ZBTB16: variants seen among roughly 807,000 people sequenced by gnomAD.
The protein encoded by ZBTB16 is zinc finger and BTB domain-containing protein 16.
A neutral mutation model predicts 56.8 loss-of-function variants in ZBTB16; 8 were observed. The ratio of observed to expected loss-of-function variants is 0.14; its 90% CI spans 0.08 to 0.25. The LOEUF (loss-of-function observed/expected upper bound fraction) is 0.25, where lower values mean the gene tolerates loss of function less well. Among genes scored for constraint, ZBTB16 ranks in the 10% least tolerant of loss-of-function variants. ZBTB16 has a pLI of 1.00. For synonymous variants in ZBTB16, 363 were observed against 368.5 expected, an observed-to-expected ratio of 0.98 and a Z score of 0.17; for missense variants, 625 against 903.0, an observed-to-expected ratio of 0.69 and a Z score of 3.95.
Position 114,252,613 on chromosome 11 carries a change from A to T in ZBTB16, c.*2058A>T, listed in dbSNP as rs1233956264. Among the ~76,000 whole-genome samples, 4 of 151,980 alleles carry T rather than the reference A, an allele frequency of 2.6e-5. No homozygotes were observed. Among genetic ancestry groups the T allele is most frequent in the African/African-American group, 9.7e-5 (4 of 41,340 alleles). ...GACCCTCCGTTTCATCTCATGCTTT[A>T]TGTGTAAGAGTTTTTTATTATTATT... On this transcript the variant is annotated 3_prime_UTR_variant, in exon 7 of 7. Coordinates refer to ENST00000335953, the MANE Select transcript of ZBTB16 (RefSeq NM_006006.6).
At chr11:114,117,626 G>A (rs1400672555) in intron 2 of ZBTB16, among the ~76,000 whole-genome samples, 1 of 152,168 alleles carries the variant, frequency 6.6e-6, no homozygotes, top group Non-Finnish European at 1.5e-5. Flanking sequence ...GGAGTTCTGG[G>A]TGGAAAACCA....
At chr11:114,171,280 A>T (rs1378497903) in intron 3 of ZBTB16, among the ~76,000 whole-genome samples, 2 of 152,228 alleles carry the variant, frequency 1.3e-5, no homozygotes, top group Non-Finnish European at 2.9e-5. Flanking sequence ...TAGGACTGTG[A>T]TGACAACCCT....
At chr11:114,103,431 G>T (rs1187038924) in intron 2 of ZBTB16, among the ~76,000 whole-genome samples, 2 of 152,168 alleles carry the variant, frequency 1.3e-5, no homozygotes, top group Non-Finnish European at 2.9e-5. Flanking sequence ...AGTACCGTCC[G>T]CTTGGACTAA....
Position 114,250,778 on chromosome 11 carries a change from G to C in ZBTB16, c.*223G>C. ...GGCCTCCACCCTCCTCTCCCGGCTG[G>C]AGGTTTGCCTGATTTTCTGGGATGG... On this transcript the variant is annotated 3_prime_UTR_variant, in exon 7 of 7. Coordinates refer to ENST00000335953, the MANE Select transcript of ZBTB16 (RefSeq NM_006006.6). This position sits in a 1 kb window ranked among gnomAD's most constrained non-coding sequence, Gnocchi z 6.0. 1.7e-6 allele frequency: 1 copy of C among 591,500 alleles called. No homozygotes were observed. The highest frequency in any genetic ancestry group is 3.0e-6 in the Non-Finnish European group (1 of 335,148). The allele number at this position is 591,500 out of a possible 1,614,324, so 36.6% of individuals were successfully genotyped here.
At chr11:114,094,047 G>A (rs928477218) in intron 2 of ZBTB16, among the ~76,000 whole-genome samples, 5 of 152,220 alleles carry the variant, frequency 3.3e-5, no homozygotes, top group South Asian at 2.1e-4. Flanking sequence ...CAGGCGCGGT[G>A]GCTCACGCCT....
intron 2 of ZBTB16, among the ~76,000 whole-genome samples, chr11:114,141,867 A>C (rs1033587787): frequency 6.6e-6 from 1 of 152,260 alleles, no homozygotes. Flanking sequence ...ATAAGGCATG[A>C]AAATGCGCAG....
intron 2 of ZBTB16, among the ~76,000 whole-genome samples, chr11:114,130,495 G>A (rs902673915): frequency 7.9e-5 from 12 of 152,344 alleles, no homozygotes; most frequent in African/African-American, 2.2e-4. Context: ...AGCATCGATG[G>A]CTGGCTGTGT....
chr11:114,205,048 A>G (rs1202558501), intron 4 of ZBTB16, among the ~76,000 whole-genome samples: 1 of 152,188 alleles, frequency 6.6e-6, no homozygotes, highest in Non-Finnish European at 1.5e-5. Flanking sequence ...TAAGTATCCC[A>G]GGCCCAACTA....
At chr11:114,191,411 A>G (rs1444546697) in intron 4 of ZBTB16, among the ~76,000 whole-genome samples, 1 of 152,214 alleles carries the variant, frequency 6.6e-6, no homozygotes, top group African/African-American at 2.4e-5. Context: ...GTACAGTAGC[A>G]TGCTGTAAAG....
At chr11:114,091,401 C>T (rs1029709930) in intron 2 of ZBTB16, among the ~76,000 whole-genome samples, 1 of 151,900 alleles carries the variant, frequency 6.6e-6, no homozygotes, top group Non-Finnish European at 1.5e-5. Flanking sequence ...TTCCCTTCCT[C>T]TCCTCCACCC....
intron 5 of ZBTB16, among the ~76,000 whole-genome samples, chr11:114,245,906 C>T (rs1276318934): frequency 4.6e-5 from 7 of 152,208 alleles, no homozygotes; most frequent in East Asian, 1.9e-4. Flanking sequence ...GACGAATCAG[C>T]GATATTTAAA....
In ZBTB16 at chr11:114,111,156, C is replaced by CGTGT. The variant is rs4020003; in HGVS notation, c.1269-45159_1269-45156dup. ...ACTTTTGGCTTAGAGATCTGTGCTGCGTGTGTGTGTGTGTGTGTGTGTGTG... is the reference window on the plus strand; with the variant it reads ...ACTTTTGGCTTAGAGATCTGTGCTGCGTGTGTGTGTGTGTGTGTGTGTGTGTGTG... On this transcript the variant is annotated intron_variant, in intron 2 of 6. Transcript: ENST00000335953. Among the ~76,000 whole-genome samples the CGTGT allele has an allele frequency of 5.9e-3, 883 of 148,880 alleles. 6 individuals are homozygous for CGTGT. Among genetic ancestry groups the CGTGT allele is most frequent in the African/African-American group, 0.017 (683 of 40,596 alleles).
intron 2 of ZBTB16, among the ~76,000 whole-genome samples, chr11:114,141,588 A>G (rs1941946636): frequency 1.3e-5 from 2 of 152,218 alleles, no homozygotes; most frequent in Admixed American, 6.5e-5. Flanking sequence ...TTCGCAGGTA[A>G]CAGTATTGTT....
At chr11:114,069,579 T>C (rs1939253745) in intron 2 of ZBTB16, among the ~76,000 whole-genome samples, 1 of 152,202 alleles carries the variant, frequency 6.6e-6, no homozygotes, top group Non-Finnish European at 1.5e-5. Flanking sequence ...GCTCTGTTTT[T>C]AGTGGTTGAT....
At chr11:114,140,718 C>G (rs949408919) in intron 2 of ZBTB16, among the ~76,000 whole-genome samples, 15 of 152,148 alleles carry the variant, frequency 9.9e-5, no homozygotes, top group Non-Finnish European at 1.6e-4. Flanking sequence ...CACCTGTGCT[C>G]GGGAGTAGAT....
At chr11:114,140,591 A>G (rs965821504) in intron 2 of ZBTB16, among the ~76,000 whole-genome samples, 2 of 152,206 alleles carry the variant, frequency 1.3e-5, no homozygotes, top group African/African-American at 4.8e-5. Flanking sequence ...TCTTGCTGCC[A>G]TCTGCATTCT....
At chr11:114,173,021 A>G (rs896539060) in intron 3 of ZBTB16, among the ~76,000 whole-genome samples, 1 of 152,184 alleles carries the variant, frequency 6.6e-6, no homozygotes. Flanking sequence ...CACCTCAATT[A>G]TGGTGCAGGG....
At chr11:114,239,895 C>G (rs1278387467) in intron 4 of ZBTB16, among the ~76,000 whole-genome samples, 2 of 152,190 alleles carry the variant, frequency 1.3e-5, no homozygotes, top group Admixed American at 6.5e-5. Flanking sequence ...TTTTCAGATC[C>G]CAACTCTGCC....
At chr11:114,196,265 G>A (rs989887481) in intron 4 of ZBTB16, among the ~76,000 whole-genome samples, 1 of 152,174 alleles carries the variant, frequency 6.6e-6, no homozygotes, top group Non-Finnish European at 1.5e-5. Context: ...GCCCTCAAAG[G>A]CTCAGGAATT....
Sources: gnomAD v4.1 joint callset for allele counts (sites outside exome capture counted in the v4.1 genomes callset) on GRCh38, gnomAD v4.1.1 for gene constraint, Gnocchi (gnomAD v3.1) non-coding constraint, MANE v1.5 for transcripts, NCBI Gene and HGNC (gene_info 2026-07-23, HGNC 2026-07-21) for gene names.